The following SEC63 variants were observed in gnomAD, a reference collection of about 807,000 sequenced individuals.
SEC63 encodes translocation protein SEC63 homolog.
SEC63 carries 56 observed loss-of-function variants against 116.2 expected under a neutral mutation model. The ratio of observed to expected loss-of-function variants is 0.48; its 90% CI spans 0.39 to 0.60. The LOEUF is 0.60. Ranked by LOEUF, SEC63 falls within the 20% of genes least tolerant of loss-of-function variation. The pLI, the probability that SEC63 is intolerant of heterozygous loss-of-function variation, is 0.00. For missense variants in SEC63, 668 were observed against 900.0 expected (o/e 0.74, Z 3.30); for synonymous variants, 273 against 294.6 (o/e 0.93, Z 0.75).
intron 1 of SEC63, among the ~76,000 whole-genome samples, chr6:107,931,531 T>C (rs181934988): frequency 6.7e-5 from 10 of 149,234 alleles, no homozygotes; most frequent in Admixed American, 2.0e-4. Context: ...AGGCAGATCA[T>C]GAGGTCAGGA....
intron 1 of SEC63, among the ~76,000 whole-genome samples, chr6:107,937,316 G>A (rs1220150574): frequency 1.3e-5 from 2 of 151,942 alleles, no homozygotes; most frequent in African/African-American, 2.4e-5. Context: ...AGTAGAGATA[G>A]GGTTTCTCCA....
chr6:107,895,324 C>A (rs1371582429), intron 14 of SEC63, among the ~76,000 whole-genome samples: 2 of 152,198 alleles, frequency 1.3e-5, no homozygotes, highest in African/African-American at 2.4e-5. Context: ...TCCCAGGAGG[C>A]AGCTCTCTCA....
At position 107,903,013 on chromosome 6, in the gene SEC63, G is replaced by GA; in HGVS notation, c.1055-16dup. 1 of 1,613,318 alleles carries GA rather than the reference G, an allele frequency of 6.2e-7. No homozygotes were observed. The highest frequency in any genetic ancestry group is 8.5e-7 in the Non-Finnish European group (1 of 1,179,668). The stretch of plus-strand genomic sequence containing the variant: ...AAACTCCCTTTCTTAGAAAGAACAG[G>GA]AAAAAAAGAAACAGGGCTGGACTTT... On this transcript the variant is annotated splice_polypyrimidine_tract_variant and intron_variant, in intron 11 of 20. Coordinates refer to ENST00000369002, the MANE Select transcript of SEC63 (RefSeq NM_007214.5).
chr6:107,911,669 G>T (rs1368978966), intron 6 of SEC63, among the ~76,000 whole-genome samples: 1 of 152,174 alleles, frequency 6.6e-6, no homozygotes, highest in African/African-American at 2.4e-5. Flanking sequence ...AAGTAGTTCA[G>T]CTCTAGAGCC....
chr6:107,931,427 G>C (rs1041354990), intron 1 of SEC63, among the ~76,000 whole-genome samples: 2 of 151,068 alleles, frequency 1.3e-5, no homozygotes, highest in South Asian at 4.2e-4. Flanking sequence ...AGCAAAAATA[G>C]TATGTATTGT....
At chr6:107,939,285 G>GA (rs978638255) in intron 1 of SEC63, among the ~76,000 whole-genome samples, 8 of 150,232 alleles carry the variant, frequency 5.3e-5, no homozygotes, top group East Asian at 1.9e-4. Context: ...GTGTCTCAAA[G>GA]AAAAAAAAAC....
intron 16 of SEC63, among the ~76,000 whole-genome samples, chr6:107,891,492 C>CA (rs2114423035): frequency 6.6e-6 from 1 of 152,198 alleles, no homozygotes; most frequent in East Asian, 1.9e-4. Flanking sequence ...AGCTTCCTTG[C>CA]ATTGGGTTAG....
chr6:107,876,217 G>A (rs1308725946), intron 19 of SEC63, among the ~76,000 whole-genome samples: 1 of 152,066 alleles, frequency 6.6e-6, no homozygotes, highest in Non-Finnish European at 1.5e-5. Flanking sequence ...GATTTTTCAA[G>A]ACAAAAGATC....
chr6:107,919,714 C>T (rs547944938), intron 4 of SEC63, among the ~76,000 whole-genome samples: 16 of 151,566 alleles, frequency 1.1e-4, no homozygotes, highest in African/African-American at 3.1e-4. Flanking sequence ...CCCAGCTACT[C>T]GGGAGGCTGA....
At chr6:107,920,508 G>A (rs1467117666) in intron 4 of SEC63, among the ~76,000 whole-genome samples, 1 of 149,650 alleles carries the variant, frequency 6.7e-6, no homozygotes, top group African/African-American at 2.4e-5. Context: ...ACTTTTATAT[G>A]CAGTAGGAAA....
chr6:107,884,505 T>G (rs1158004655), intron 16 of SEC63, among the ~76,000 whole-genome samples: 2 of 152,040 alleles, frequency 1.3e-5, no homozygotes, highest in African/African-American at 4.8e-5. Context: ...TTGAAAAACA[T>G]AATTTGCTAA....
Position 107,921,681 on chromosome 6 carries a change from G to A in SEC63, c.452+116C>T, listed in dbSNP as rs1583758067. The stretch of plus-strand genomic sequence containing the variant: ...TGCCAGGGATGGTCTCAAACTCCTG[G>A]GCTCAAGCGATCCTCCTGCCTCAGC... On this transcript the variant is annotated intron_variant, in intron 4 of 20. Coordinates refer to ENST00000369002, the MANE Select transcript of SEC63 (RefSeq NM_007214.5). 6.7e-6 allele frequency: 5 copies of A among 749,416 alleles called. No individual in the cohort carries two copies. In the East Asian group the frequency reaches 7.6e-5, roughly 11 times the overall value. The allele number at this position is 749,416 out of a possible 1,614,324, so 46.4% of individuals were successfully genotyped here. A position where few individuals can be genotyped will look rare whatever the true frequency, so the allele number is the denominator to read the frequency against.
At chr6:107,915,731 T>C (rs1282110550) in intron 4 of SEC63, among the ~76,000 whole-genome samples, 1 of 152,150 alleles carries the variant, frequency 6.6e-6, no homozygotes, top group African/African-American at 2.4e-5. Context: ...TAAAAAACTT[T>C]GCACATCAAA....
At chr6:107,929,380 T>C in intron 2 of SEC63, 35 bp downstream of exon 2, 1 of 1,070,992 alleles carries the variant, frequency 9.3e-7, no homozygotes, top group Non-Finnish European at 1.5e-6. Context: ...AGAGTAAGCA[T>C]TAAGTAGGTT....
chr6:107,869,973 T>C lies in SEC63; in HGVS notation c.*1731A>G, dbSNP rs1786092204. ...AATATGCATTCTACACATTGTTCTGTCTTGTCTGCTCAGTTTCCTTGCCTT... is the reference window on the plus strand; with the variant it reads ...AATATGCATTCTACACATTGTTCTGCCTTGTCTGCTCAGTTTCCTTGCCTT... On this transcript the variant is annotated 3_prime_UTR_variant, in exon 21 of 21. Transcript: ENST00000369002. 6.6e-6 allele frequency: 1 copy of C among 152,190 alleles called. No individual in the cohort carries two copies. The highest frequency in any genetic ancestry group is 6.5e-5 in the Admixed American group (1 of 15,282). The allele number at this position is 152,190 out of a possible 1,614,324, so 9.4% of individuals were successfully genotyped here.
intron 1 of SEC63, among the ~76,000 whole-genome samples, chr6:107,932,554 A>G (rs978210235): frequency 1.3e-5 from 2 of 152,180 alleles, no homozygotes; most frequent in Non-Finnish European, 2.9e-5. Flanking sequence ...AACTGACTGA[A>G]TAAGTTAATA....
Position 107,912,718 on chromosome 6 carries a change from G to A in SEC63, c.571C>T (p.Leu191=), listed in dbSNP as rs768097535. The A allele has an allele frequency of 7.5e-6, 12 of 1,601,086 alleles. No individual in the cohort carries two copies. In the African/African-American group the frequency reaches 9.4e-5, roughly 13 times the overall value. The change falls in exon 6 of 21, where the codon CTG becomes TTG. Residue 191 remains leucine, a splice_region_variant and synonymous_variant. Coordinates refer to ENST00000369002, the MANE Select transcript of SEC63 (RefSeq NM_007214.5). ...GTATCTTATTTAAATGCACTCACCA[G>A]AATTGAGTTTTTCTGGTCAACTATC... The part of the protein sequence containing the change: ...AWIVDQKNSI[L]VLLVYGLAFM...
chr6:107,884,855 T>G (rs79676405), intron 16 of SEC63, among the ~76,000 whole-genome samples: 1 of 152,238 alleles, frequency 6.6e-6, no homozygotes, highest in African/African-American at 2.4e-5. Context: ...CAAATGATAT[T>G]TGTTCCAGGA....
At position 107,901,417 on chromosome 6, in the gene SEC63, G is replaced by A; in HGVS notation, c.1310C>T (p.Ala437Val). ...CACATATGGAAAACTCCCAAGGACA[G>A]CCATAACCTCTTCATATTTTTCATC... ...LEDEKYEEVM[A>V]VLGSFPYVTM... Residue 437 changes from alanine to valine, a missense_variant, in exon 13 of 21, where the codon GCT (alanine) becomes GTT (valine). Ala to Val is a moderately conservative substitution (Grantham distance 64). Transcript: ENST00000369002. 6.2e-7 allele frequency: 1 copy of A among 1,613,230 alleles called. No homozygotes were observed. Among genetic ancestry groups the A allele is most frequent in the South Asian group, 1.1e-5 (1 of 91,064 alleles).
Sources: gnomAD v4.1 joint callset for allele counts (sites outside exome capture counted in the v4.1 genomes callset) on GRCh38, gnomAD v4.1.1 for gene constraint, MANE v1.5 for transcripts, NCBI Gene and HGNC (gene_info 2026-07-23, HGNC 2026-07-21) for gene names.